Variants in HMCN1 observed in about 807,000 individuals in gnomAD.
The protein encoded by HMCN1 is hemicentin-1.
In HMCN1, 321 loss-of-function variants were observed where a neutral mutation model predicts 625.9. The ratio of observed to expected loss-of-function variants is 0.51; its 90% confidence interval spans 0.47 to 0.56. The LOEUF is 0.56. Among genes scored for constraint, HMCN1 ranks in the 20% least tolerant of loss-of-function variants. HMCN1 has a pLI of 0.00. For synonymous variants in HMCN1, 2,425 were observed against 2,417.6 expected (o/e 1.00, Z -0.09); for missense variants, 6,588 against 6,887.3 (o/e 0.96, Z 1.54).
intron 1 of HMCN1, among the ~76,000 whole-genome samples, chr1:185,816,169 A>G (rs1299503245): frequency 6.6e-6 from 1 of 152,222 alleles, no homozygotes; most frequent in Non-Finnish European, 1.5e-5. Flanking sequence ...TCTGGTCAGA[A>G]TGGAAGATTG....
Position 186,153,847 on chromosome 1 carries a change from G to A in HMCN1, c.15116G>A (p.Trp5039Ter), listed in dbSNP as rs1650824494. The change falls in exon 97 of 107, where the codon TGG becomes TAG. Residue 5039 changes from tryptophan (W) to a stop codon, truncating the protein, a stop_gained. Transcript: ENST00000271588. LOFTEE classifies it high-confidence loss of function. ...TIDGISIPYTWNHTVFYDQAQ... is the reference protein window; with the variant it reads ...TIDGISIPYT ...GATGGCATCAGCATCCCATACACAT[G>A]GAACCACACCGTTTTCTATGATCAG... is the stretch of plus-strand genomic sequence containing the variant. 1 of 1,613,990 alleles carries A rather than the reference G, an allele frequency of 6.2e-7. No homozygotes were observed. Among genetic ancestry groups the A allele is most frequent in the South Asian group, 1.1e-5 (1 of 91,078 alleles).
At chr1:185,777,140 C>A (rs1340280244) in intron 1 of HMCN1, among the ~76,000 whole-genome samples, 2 of 152,192 alleles carry the variant, frequency 1.3e-5, no homozygotes, top group Non-Finnish European at 2.9e-5. Context: ...AGTGCCTTTT[C>A]TGATCCTTAT....
chr1:185,785,438 T>C (rs987783340), intron 1 of HMCN1, among the ~76,000 whole-genome samples: 1 of 152,230 alleles, frequency 6.6e-6, no homozygotes, highest in Non-Finnish European at 1.5e-5. Context: ...GCTATATTTT[T>C]CTTGGTCAGT....
chr1:185,741,950 G>A (rs1441566949), intron 1 of HMCN1, among the ~76,000 whole-genome samples: 1 of 152,176 alleles, frequency 6.6e-6, no homozygotes, highest in Admixed American at 6.5e-5. Context: ...TATTCAACTA[G>A]TATTTTATGA....
chr1:185,763,869 A>G (rs935810977), intron 1 of HMCN1, among the ~76,000 whole-genome samples: 1 of 152,220 alleles, frequency 6.6e-6, no homozygotes, highest in Non-Finnish European at 1.5e-5. Context: ...ACATTCTTGT[A>G]TTAATTAAAC....
chr1:186,153,655 CT>C, intron 96 of HMCN1, 94 bp from the exon 97 acceptor site: 19 of 998,756 alleles, frequency 1.9e-5, no homozygotes, highest in Non-Finnish European at 2.6e-5. Context: ...GCTCCTAATC[CT>C]TTTTCCCCGC....
chr1:185,854,906 A>G (rs1298113427), intron 2 of HMCN1, among the ~76,000 whole-genome samples: 2 of 152,208 alleles, frequency 1.3e-5, no homozygotes, highest in Admixed American at 1.3e-4. Flanking sequence ...TCCAATCTTC[A>G]TTAACTAGCT....
chr1:185,970,657 T>C (rs1650747451), intron 15 of HMCN1, among the ~76,000 whole-genome samples, 164 bp downstream of exon 15: 1 of 151,012 alleles, frequency 6.6e-6, no homozygotes, highest in Non-Finnish European at 1.5e-5. Context: ...TACTAGGTGC[T>C]TTCTTTCTTT....
intron 77 of HMCN1, among the ~76,000 whole-genome samples, chr1:186,118,894 G>A (rs1661256490): frequency 6.6e-6 from 1 of 152,156 alleles, no homozygotes; most frequent in Non-Finnish European, 1.5e-5. Context: ...GGTTCTTTTG[G>A]GGGTGATGGA....
chr1:186,041,201 A>G (rs1258087743), intron 40 of HMCN1, 65 bp downstream of exon 40: 6 of 1,390,992 alleles, frequency 4.3e-6, no homozygotes, highest in Non-Finnish European at 5.1e-6. Flanking sequence ...AATCATTGAG[A>G]AAGTTAAGGG....
chr1:186,088,063 A>G (rs763734994), intron 61 of HMCN1, 50 bp downstream of exon 61: 6 of 1,611,302 alleles, frequency 3.7e-6, no homozygotes, highest in Non-Finnish European at 5.1e-6. Flanking sequence ...TATGCAAATG[A>G]AAAAAGTGTT....
At chr1:186,075,785 G>A (rs1253560077) in intron 53 of HMCN1, among the ~76,000 whole-genome samples, 2 of 152,076 alleles carry the variant, frequency 1.3e-5, no homozygotes, top group Non-Finnish European at 2.9e-5. Context: ...ATGCTACACT[G>A]AACATCTTTA....
At chr1:186,045,989 C>T (rs1656542682) in intron 41 of HMCN1, 126 bp downstream of exon 41, 1 of 709,324 alleles carries the variant, frequency 1.4e-6, no homozygotes, top group Non-Finnish European at 2.4e-6. Context: ...ATTCTAGGAA[C>T]CCTTTTATTG....
At chr1:185,882,750 A>C (rs1280639641) in intron 4 of HMCN1, among the ~76,000 whole-genome samples, 3 of 152,100 alleles carry the variant, frequency 2.0e-5, no homozygotes, top group Non-Finnish European at 2.9e-5. Context: ...CAACCATGAG[A>C]AATAATTATT....
Position 186,089,137 on chromosome 1 carries a change from A to G in HMCN1, c.9727+382A>G, listed in dbSNP as rs140388098. Reference sequence around the variant, plus strand: ...ATTTAATTCACAAAGAAGTTGTACTATGATCTGACCGCAGGTAGATTAGGT... The same window carrying G: ...ATTTAATTCACAAAGAAGTTGTACTGTGATCTGACCGCAGGTAGATTAGGT... On this transcript the variant is annotated intron_variant, in intron 63 of 106. Transcript: ENST00000271588. Among the ~76,000 whole-genome samples, 563 of 152,152 alleles carry G rather than the reference A, an allele frequency of 3.7e-3. 3 individuals carry two copies. Among genetic ancestry groups the G allele is most frequent in the African/African-American group, 0.013 (536 of 41,542 alleles).
intron 11 of HMCN1, among the ~76,000 whole-genome samples, chr1:185,943,380 C>A (rs887969007): frequency 2.0e-5 from 3 of 152,166 alleles, no homozygotes; most frequent in African/African-American, 7.2e-5. Context: ...AGTGTCAGAA[C>A]TGAATTAAAT....
intron 97 of HMCN1, among the ~76,000 whole-genome samples, chr1:186,161,919 G>C (rs754554953): frequency 2.6e-5 from 4 of 152,110 alleles, no homozygotes; most frequent in Non-Finnish European, 4.4e-5. Context: ...TTCTCAAGGA[G>C]TATCTTTGTG....
intron 40 of HMCN1, among the ~76,000 whole-genome samples, chr1:186,044,832 A>G (rs138096719): frequency 0.015 from 2,291 of 152,254 alleles, 29 homozygotes; most frequent in Middle Eastern, 0.031. Flanking sequence ...TTGAGAAGTT[A>G]TGGAGCCCAC....
intron 40 of HMCN1, among the ~76,000 whole-genome samples, chr1:186,045,433 G>A (rs181184002): frequency 4.5e-4 from 68 of 152,112 alleles, no homozygotes; most frequent in African/African-American, 1.4e-3. Context: ...TTTCTTAATT[G>A]GGCACTTGAT....
Sources: allele counts gnomAD v4.1 joint callset (sites outside exome capture counted in the v4.1 genomes callset), GRCh38; gene constraint gnomAD v4.1.1; transcripts MANE v1.5; gene names NCBI Gene and HGNC (gene_info 2026-07-23, HGNC 2026-07-21).